PTPRN2: variants seen among roughly 807,000 people sequenced by gnomAD.
PTPRN2 encodes the protein protein tyrosine phosphatase receptor type N2.
A neutral mutation model predicts 118.8 loss-of-function variants in PTPRN2; 74 were observed. The ratio of observed to expected loss-of-function variants is 0.62; its 90% CI spans 0.52 to 0.76. PTPRN2 has a LOEUF of 0.76. Ranked by LOEUF, PTPRN2 falls within the 30% of genes least tolerant of loss-of-function variation. The pLI is 0.00. For synonymous variants in PTPRN2, 641 were observed against 608.0 expected (o/e 1.05, Z -0.80); for missense variants, 1,481 against 1,394.4 (o/e 1.06, Z -0.99).
rs567024567 is a variant in PTPRN2 at position 158,007,456 on chromosome 7, C to T, written c.1723+73842G>A. Among the ~76,000 whole-genome samples, 3 of 152,262 alleles carry T rather than the reference C, an allele frequency of 2.0e-5. No individual in the cohort carries two copies. The South Asian group carries it at 6.2e-4, about 32-fold the overall frequency. On this transcript the variant is annotated intron_variant, in intron 11 of 22. Coordinates refer to ENST00000389418, the MANE Select transcript of PTPRN2 (RefSeq NM_002847.5). ...AGAGAGGACAAGGGGAGAGTGATCA[C>T]AGGGTGTGACAGTGATGGAGGGGAC...
At chr7:158,196,175 C>A (rs1826197618) in intron 4 of PTPRN2, among the ~76,000 whole-genome samples, 1 of 152,174 alleles carries the variant, frequency 6.6e-6, no homozygotes. Context: ...TGGTTCTTTT[C>A]CCTCATAGAC....
chr7:157,763,094 A>G lies in PTPRN2; in HGVS notation c.1789-80157T>C, dbSNP rs1047230002. Among the ~76,000 whole-genome samples the G allele has an allele frequency of 3.9e-5, 5 of 127,730 alleles. No homozygotes were observed. The highest frequency in any genetic ancestry group is 1.6e-4 in the African/African-American group (5 of 31,228). The allele number at this position is 127,730 out of a possible 152,430, so 83.8% of individuals were successfully genotyped here. A position where few individuals can be genotyped will look rare whatever the true frequency, so the allele number is the denominator to read the frequency against. ...GCCGCCCACTCATGGTCACAGAGCT[A>G]ACCATCAGAGCCCACGGCCGCCCAC... On this transcript the variant is annotated intron_variant, in intron 12 of 22. Coordinates refer to ENST00000389418, the MANE Select transcript of PTPRN2 (RefSeq NM_002847.5). The surrounding 1 kb of genome is among the most constrained non-coding windows in gnomAD (Gnocchi z 4.9).
At chr7:158,149,739 G>A (rs1156717341) in intron 6 of PTPRN2, among the ~76,000 whole-genome samples, 5 of 151,852 alleles carry the variant, frequency 3.3e-5, no homozygotes, top group Non-Finnish European at 7.4e-5. Flanking sequence ...GGGAGACGGA[G>A]GTTGCGGTGA....
chr7:157,578,632 TTTG>T (rs2150528649), intron 17 of PTPRN2, among the ~76,000 whole-genome samples: 1 of 152,368 alleles, frequency 6.6e-6, no homozygotes, highest in Non-Finnish European at 1.5e-5. Flanking sequence ...TGCAATTTCA[TTTG>T]TTTATACCGA....
chr7:157,572,205 T>C (rs1416973899), intron 19 of PTPRN2, among the ~76,000 whole-genome samples: 4 of 152,214 alleles, frequency 2.6e-5, no homozygotes, highest in Non-Finnish European at 5.9e-5. Context: ...GGTGTTTTTT[T>C]TTAATTCAGT....
chr7:158,006,644 A>G (rs977158623), intron 11 of PTPRN2, among the ~76,000 whole-genome samples: 1 of 152,154 alleles, frequency 6.6e-6, no homozygotes, highest in East Asian at 1.9e-4. Flanking sequence ...TCCCACCCCT[A>G]TGGAGATAGA....
At position 157,682,759 on chromosome 7, in the gene PTPRN2, C is replaced by A; in HGVS notation, c.1967G>T (p.Gly656Val). 6.2e-7 allele frequency: 1 copy of A among 1,613,946 alleles called. No individual in the cohort carries two copies. The highest frequency in any genetic ancestry group is 1.3e-5 in the African/African-American group (1 of 75,064). The change falls in exon 13 of 23, where the codon GGC becomes GTC. Residue 656 changes from glycine (G) to valine (V), a missense_variant. Physicochemically the swap from Gly to Val is moderately radical, Grantham distance 109. Around this residue, in one of 3 missense-constraint regions of PTPRN2, gnomAD observed 1,115 missense variants for 994.2 expected, o/e 1.12. Transcript: ENST00000389418. The part of the protein sequence containing the change: ...RLKEKLSGLG[G>V]DPGADATAAY... ...GGCAGTGGCATCTGCACCTGGGTCGCCCCCTAGTCCCGAGAGCTTCTCCTT... is the reference window on the plus strand; with the variant it reads ...GGCAGTGGCATCTGCACCTGGGTCGACCCCTAGTCCCGAGAGCTTCTCCTT...
At chr7:158,229,010 C>T (rs775958688) in intron 3 of PTPRN2, among the ~76,000 whole-genome samples, 21 of 152,126 alleles carry the variant, frequency 1.4e-4, no homozygotes, top group Non-Finnish European at 2.6e-4. Context: ...AGCAGGAATG[C>T]TCCACAGGTC....
Position 157,893,329 on chromosome 7 carries a change from G to A in PTPRN2, c.1788+5344C>T, listed in dbSNP as rs1796916321. On this transcript the variant is annotated intron_variant, in intron 12 of 22. Coordinates refer to ENST00000389418, the MANE Select transcript of PTPRN2 (RefSeq NM_002847.5). This position sits in a 1 kb window ranked among gnomAD's most constrained non-coding sequence, Gnocchi z 4.0. ...GTTGGATGTGGATGGAAGCAGAGGT[G>A]TGGTGCTGTGCAGGTGAGCTCCTGC... Among the ~76,000 whole-genome samples, 5 of 152,230 alleles carry A rather than the reference G, an allele frequency of 3.3e-5. No homozygotes were observed. Among genetic ancestry groups the A allele is most frequent in the Admixed American group, 2.6e-4 (4 of 15,286 alleles).
chr7:157,926,877 G>A (rs968822945), intron 11 of PTPRN2, among the ~76,000 whole-genome samples: 16 of 151,818 alleles, frequency 1.1e-4, no homozygotes, highest in Middle Eastern at 3.2e-3. Context: ...TCCTGACACC[G>A]GCTCACTGTC....
chr7:157,640,605 A>G (rs1173521276), intron 14 of PTPRN2, among the ~76,000 whole-genome samples: 5 of 152,220 alleles, frequency 3.3e-5, no homozygotes, highest in Non-Finnish European at 7.3e-5. Context: ...GGACACAAGG[A>G]AACTCCAAAA....
chr7:157,547,462 C>T (rs889725700), intron 22 of PTPRN2, among the ~76,000 whole-genome samples: 2 of 152,146 alleles, frequency 1.3e-5, no homozygotes, highest in South Asian at 2.1e-4. Flanking sequence ...GCCAGACACA[C>T]GTCAACCTCA....
chr7:157,892,801 C>T (rs1031501861), intron 12 of PTPRN2, among the ~76,000 whole-genome samples: 2 of 152,192 alleles, frequency 1.3e-5, no homozygotes, highest in East Asian at 1.9e-4. Flanking sequence ...ATAAACCTCC[C>T]GAAACTACAG....
intron 1 of PTPRN2, among the ~76,000 whole-genome samples, chr7:158,586,290 A>G (rs1828920205): frequency 1.3e-5 from 2 of 152,232 alleles, no homozygotes; most frequent in Non-Finnish European, 2.9e-5. Context: ...GAGTCCAGGG[A>G]GACTGTGTCA....
intron 2 of PTPRN2, among the ~76,000 whole-genome samples, chr7:158,415,240 G>C (rs950236184): frequency 6.6e-6 from 1 of 152,158 alleles, no homozygotes; most frequent in African/African-American, 2.4e-5. Context: ...GACAGTATTG[G>C]TGAAGAGACG....
intron 12 of PTPRN2, among the ~76,000 whole-genome samples, chr7:157,895,470 T>C (rs1318804056): frequency 6.6e-6 from 1 of 152,212 alleles, no homozygotes; most frequent in Non-Finnish European, 1.5e-5. Context: ...AGGTTTAAAA[T>C]GATTGAAAAG....
intron 11 of PTPRN2, among the ~76,000 whole-genome samples, chr7:158,056,647 G>A (rs761832613): frequency 4.6e-5 from 7 of 152,154 alleles, no homozygotes; most frequent in African/African-American, 7.2e-5. Flanking sequence ...GGAGTGTGCT[G>A]GACTCCTGCT....
chr7:158,340,724 TCAC>T (rs1212208149), intron 2 of PTPRN2, among the ~76,000 whole-genome samples: 1 of 43,698 alleles, frequency 2.3e-5, no homozygotes, highest in Non-Finnish European at 5.1e-5. Flanking sequence ...ACACCCACAC[TCAC>T]CATAAGAGGT....
chr7:157,709,763 C>T (rs191081757), intron 12 of PTPRN2, among the ~76,000 whole-genome samples: 146 of 152,312 alleles, frequency 9.6e-4, no homozygotes, highest in Middle Eastern at 3.4e-3. Flanking sequence ...GCACTCAGCC[C>T]GGCCCATCCA....
Sources: gnomAD v4.1 joint callset for allele counts (sites outside exome capture counted in the v4.1 genomes callset) on GRCh38, gnomAD v4.1.1 for gene constraint, gnomAD v4.1.1 regional missense constraint, Gnocchi (gnomAD v3.1) non-coding constraint, MANE v1.5 for transcripts, NCBI Gene and HGNC (gene_info 2026-07-23, HGNC 2026-07-21) for gene names.